NETO1: variants seen among roughly 807,000 people sequenced by gnomAD.
NETO1 encodes neuropilin and tolloid like 1, also known as neuropilin and tolloid-like protein 1.
A neutral mutation model predicts 61.3 loss-of-function variants in NETO1; 26 were observed. The ratio of observed to expected loss-of-function variants is 0.42; its 90% CI spans 0.31 to 0.59. The LOEUF (loss-of-function observed/expected upper bound fraction) is 0.59. Among genes scored for constraint, NETO1 ranks in the 20% least tolerant of loss-of-function variants. NETO1 has a pLI of 0.12. For synonymous variants in NETO1, 225 were observed against 225.8 expected, an observed-to-expected ratio of 1.00 and a Z score of 0.03; for missense variants, 531 against 662.8, an observed-to-expected ratio of 0.80 and a Z score of 2.18.
At chr18:72,825,034 A>G (rs2073330987) in intron 4 of NETO1, among the ~76,000 whole-genome samples, 1 of 152,366 alleles carries the variant, frequency 6.6e-6, no homozygotes, top group Non-Finnish European at 1.5e-5. Flanking sequence ...GGACTCATAA[A>G]TCAACCACCA....
At chr18:72,847,214 T>C (rs186746644) in intron 4 of NETO1, among the ~76,000 whole-genome samples, 9 of 152,350 alleles carry the variant, frequency 5.9e-5, no homozygotes, top group African/African-American at 1.9e-4. Context: ...AAGTCAGCTA[T>C]AGTTCTTTCG....
intron 7 of NETO1, among the ~76,000 whole-genome samples, chr18:72,766,154 C>T (rs1463434670): frequency 2.0e-5 from 3 of 150,486 alleles, no homozygotes; most frequent in South Asian, 2.1e-4. Context: ...TGCAGTGAGT[C>T]GAGATTGTGC....
Position 72,760,181 on chromosome 18 carries a change from T to C in NETO1, c.869-4034A>G, listed in dbSNP as rs184987503. 3.3e-5 allele frequency among the ~76,000 whole-genome samples: 5 copies of C among 152,332 alleles called. No homozygotes were observed. In the East Asian group the frequency reaches 9.6e-4, roughly 29 times the overall value. ...GAAGATGGAAATTGATTTCTATTAATGAAGCAAAATATTCTAGTCAGCCAA... is the reference window on the plus strand; with the variant it reads ...GAAGATGGAAATTGATTTCTATTAACGAAGCAAAATATTCTAGTCAGCCAA... On this transcript the variant is annotated intron_variant, in intron 7 of 10. Transcript: ENST00000327305.
chr18:72,859,538 T>C (rs990242725), intron 3 of NETO1, among the ~76,000 whole-genome samples: 3 of 152,188 alleles, frequency 2.0e-5, no homozygotes, highest in Non-Finnish European at 2.9e-5. Flanking sequence ...TCCAAATGCA[T>C]ATATAAGGAC....
intron 6 of NETO1, among the ~76,000 whole-genome samples, chr18:72,786,904 A>AC (rs2071939484): frequency 6.6e-6 from 1 of 151,264 alleles, no homozygotes; most frequent in African/African-American, 2.4e-5. Context: ...ACAGAGCGAG[A>AC]CCCCATCTCC....
intron 4 of NETO1, among the ~76,000 whole-genome samples, chr18:72,800,589 T>G (rs2072472489): frequency 6.6e-6 from 1 of 152,192 alleles, no homozygotes; most frequent in Admixed American, 6.5e-5. Flanking sequence ...TACTATGTAA[T>G]AATGATAGAA....
At chr18:72,771,395 G>C (rs2071346786) in intron 7 of NETO1, among the ~76,000 whole-genome samples, 1 of 152,136 alleles carries the variant, frequency 6.6e-6, no homozygotes. Flanking sequence ...TGTGGTGGGA[G>C]TGTGGCACAG....
chr18:72,794,997 AC>A (rs1339499093), intron 4 of NETO1, among the ~76,000 whole-genome samples: 1 of 152,206 alleles, frequency 6.6e-6, no homozygotes, highest in Non-Finnish European at 1.5e-5. Context: ...TACTATGCTA[AC>A]TTTCAAAGCA....
At chr18:72,813,429 G>A (rs748322939) in intron 4 of NETO1, among the ~76,000 whole-genome samples, 14 of 152,100 alleles carry the variant, frequency 9.2e-5, no homozygotes, top group Non-Finnish European at 1.0e-4. Flanking sequence ...AATCACAGGC[G>A]CATAAGACCT....
chr18:72,785,768 A>G (rs2071894682), intron 6 of NETO1, among the ~76,000 whole-genome samples: 2 of 152,292 alleles, frequency 1.3e-5, no homozygotes, highest in African/African-American at 4.8e-5. Flanking sequence ...TTTTCAAAAA[A>G]TCCACCCTTT....
At chr18:72,807,914 C>CTT (rs2072732575) in intron 4 of NETO1, among the ~76,000 whole-genome samples, 1 of 152,178 alleles carries the variant, frequency 6.6e-6, no homozygotes, top group African/African-American at 2.4e-5. Flanking sequence ...ATCCCTGCCC[C>CTT]TTAATTCTCT....
At chr18:72,759,886 G>A (rs570411783) in intron 7 of NETO1, among the ~76,000 whole-genome samples, 1 of 152,290 alleles carries the variant, frequency 6.6e-6, no homozygotes, top group South Asian at 2.1e-4. Flanking sequence ...GGCAGCCAAA[G>A]AAGTAACAAT....
rs964199040 is a variant in NETO1, at chr18:72,867,705, AGCCGGGGCCGGG to A, written c.-426_-415del. On this transcript the variant is annotated 5_prime_UTR_variant, in exon 1 of 11. Transcript: ENST00000327305. ...GCAGGGCGAGCCCCGGGACGCCCCG[AGCCGGGGCCGGG>A]GCCGGGGAGAGGGCGCAGCGAGGTG... 1 of 149,746 alleles carries A rather than the reference AGCCGGGGCCGGG, an allele frequency of 6.7e-6. No homozygotes were observed. Among genetic ancestry groups the A allele is most frequent in the Non-Finnish European group, 1.5e-5 (1 of 67,038 alleles). The allele number at this position is 149,746 out of a possible 1,614,324, so 9.3% of individuals were successfully genotyped here. A position where few individuals can be genotyped will look rare whatever the true frequency, so the allele number is the denominator to read the frequency against.
chr18:72,867,240 G>A (rs1463549394), intron 1 of NETO1, 24 bp downstream of exon 1: 7 of 1,527,046 alleles, frequency 4.6e-6, no homozygotes, highest in East Asian at 5.1e-5. Flanking sequence ...GGGAGCGCAC[G>A]GGCGCGGCGG....
Position 72,750,637 on chromosome 18 carries a change from G to T in NETO1, c.983-17C>A, listed in dbSNP as rs1286457542. 1.9e-6 allele frequency: 3 copies of T among 1,559,394 alleles called. No homozygotes were observed. The highest frequency in any genetic ancestry group is 2.6e-6 in the Non-Finnish European group (3 of 1,150,160). On this transcript the variant is annotated splice_polypyrimidine_tract_variant and intron_variant, in intron 8 of 10. Coordinates refer to ENST00000327305, the MANE Select transcript of NETO1 (RefSeq NM_138966.5). ...TCCTCTTCTCTATAGGTTGGAGAGAGTGAAAACAACAAACGGACAAAAGAA... is the reference window on the plus strand; with the variant it reads ...TCCTCTTCTCTATAGGTTGGAGAGATTGAAAACAACAAACGGACAAAAGAA...
chr18:72,769,996 G>T (rs2071301988), intron 7 of NETO1, among the ~76,000 whole-genome samples: 1 of 151,796 alleles, frequency 6.6e-6, no homozygotes, highest in Non-Finnish European at 1.5e-5. Flanking sequence ...CTGCTAAATT[G>T]TCCTTCAGGA....
chr18:72,742,420 T>G (rs2070358546), downstream of NETO1: 1 of 152,194 alleles, frequency 6.6e-6, no homozygotes, highest in South Asian at 2.1e-4. Flanking sequence ...GATCATAAAA[T>G]GAAGTCTACA....
intron 4 of NETO1, among the ~76,000 whole-genome samples, chr18:72,847,231 C>T (rs191188056): frequency 2.2e-4 from 34 of 152,332 alleles, no homozygotes; most frequent in Admixed American, 1.3e-3. Flanking sequence ...TTCGTGGGCA[C>T]ATGCCCTGCT....
chr18:72,784,003 T>C, intron 6 of NETO1, 97 bp from the exon 7 acceptor site: 3 of 764,448 alleles, frequency 3.9e-6, no homozygotes, highest in South Asian at 1.7e-5. Context: ...CAAGACAATC[T>C]TGATTGCAAT....
Sources: gnomAD v4.1 joint callset for allele counts (sites outside exome capture counted in the v4.1 genomes callset) on GRCh38, gnomAD v4.1.1 for gene constraint, MANE v1.5 for transcripts, NCBI Gene and HGNC (gene_info 2026-07-23, HGNC 2026-07-21) for gene names.